Variants in RGPD1 observed in about 807,000 individuals in gnomAD.
RGPD1 encodes RANBP2-like and GRIP domain-containing protein 1.
Under a neutral mutation model 40.6 loss-of-function variants are expected in RGPD1, and 7 were observed. The observed-to-expected ratio is 0.17, with a 90% CI of 0.10 to 0.32. The LOEUF (loss-of-function observed/expected upper bound fraction) is 0.32. RGPD1 is among the 10% of genes least tolerant of loss of function. The pLI is 1.00. For synonymous variants in RGPD1, 24 were observed against 167.0 expected (o/e 0.14, Z 6.60); for missense variants, 50 against 472.5 (o/e 0.11, Z 8.29).
chr2:86,945,332 A>T (rs1680269114), intron 1 of RGPD1, among the ~76,000 whole-genome samples: 1 of 152,106 alleles, frequency 6.6e-6, no homozygotes, highest in African/African-American at 2.4e-5. Flanking sequence ...GGAACATGTG[A>T]AGCTATTCTG....
chr2:86,928,576 G>A (rs1042827528), intron 1 of RGPD1, among the ~76,000 whole-genome samples: 9 of 152,220 alleles, frequency 5.9e-5, no homozygotes, highest in African/African-American at 1.9e-4. Context: ...TTAGGTGAAA[G>A]TGGTTGGATT....
chr2:86,913,960 C>CCGGGCG (rs1677568862), intron 1 of RGPD1: 1 of 1,240,954 alleles, frequency 8.1e-7, no homozygotes, highest in African/African-American at 1.7e-5. Flanking sequence ...CTCGACCTGG[C>CCGGGCG]GGGGCGGTGG....
chr2:86,926,891 A>T (rs1431698290), intron 1 of RGPD1, among the ~76,000 whole-genome samples: 1 of 151,734 alleles, frequency 6.6e-6, no homozygotes, highest in Non-Finnish European at 1.5e-5. Context: ...AAGTTTGCAC[A>T]GCAAAGTAAT....
chr2:86,936,917 A>G lies in RGPD1; in HGVS notation c.73-14379A>G, dbSNP rs571486264. Among the ~76,000 whole-genome samples, 388 of 134,450 alleles carry G rather than the reference A, an allele frequency of 2.9e-3. 3 individuals are homozygous for G. The highest frequency in any genetic ancestry group is 0.011 in the African/African-American group (376 of 33,664). 88.2% of individuals were successfully genotyped at this position (134,450 alleles called of 152,430 possible). A position where few individuals can be genotyped will look rare whatever the true frequency, so the allele number is the denominator to read the frequency against. On this transcript the variant is annotated intron_variant, in intron 1 of 22. Coordinates refer to the RGPD1 transcript ENST00000398193. The stretch of plus-strand genomic sequence containing the variant: ...GCTTAACAAAGAGGTCTGAGACAGG[A>G]TATGAATGTTAAGCTCAGGGACATA...
intron 1 of RGPD1, among the ~76,000 whole-genome samples, chr2:86,934,117 CTG>C (rs1679178015): frequency 8.2e-6 from 1 of 122,638 alleles, no homozygotes; most frequent in Non-Finnish European, 1.7e-5. Flanking sequence ...AATCTCAGCA[CTG>C]TGGAAGGTCG....
At chr2:86,962,507 CAAAAAAAAAAAAA>C (rs61486857) in intron 6 of RGPD1, among the ~76,000 whole-genome samples, 10 of 29,900 alleles carry the variant, frequency 3.3e-4, no homozygotes, top group Middle Eastern at 0.033. Context: ...GACTCTGTCT[CAAAAAAAAAAAAA>C]AAAAAAAAAA....
chr2:86,915,611 T>G (rs1677762594), intron 1 of RGPD1, among the ~76,000 whole-genome samples: 1 of 37,018 alleles, frequency 2.7e-5, no homozygotes, highest in Non-Finnish European at 5.3e-5. Flanking sequence ...TCATGCAGCA[T>G]TGGGTTTACA....
chr2:86,930,102 A>T (rs1446213124), intron 1 of RGPD1: 2 of 1,555,968 alleles, frequency 1.3e-6, no homozygotes, highest in African/African-American at 2.8e-5. Context: ...AGAGCTTAAT[A>T]CCGGAGTCGC....
rs1445554546 is a variant in RGPD1 at position 86,920,259 on chromosome 2, G to A, written c.72+6338G>A. On this transcript the variant is annotated intron_variant, in intron 1 of 22. Coordinates refer to the RGPD1 transcript ENST00000398193. Reference sequence around the variant, plus strand: ...TAATTTCTGTATTTTTAGTAGAGACGGGGTTTTGCCATGTGGGCTATGCTG... The same window carrying A: ...TAATTTCTGTATTTTTAGTAGAGACAGGGTTTTGCCATGTGGGCTATGCTG... Among the ~76,000 whole-genome samples the A allele has an allele frequency of 1.1e-4, 16 of 151,586 alleles. 1 individual carries two copies. Among genetic ancestry groups the A allele is most frequent in the South Asian group, 8.5e-4 (4 of 4,730 alleles).
intron 1 of RGPD1, among the ~76,000 whole-genome samples, chr2:86,944,028 CCAAA>C (rs1427941130): frequency 1.3e-5 from 2 of 149,890 alleles, no homozygotes; most frequent in Admixed American, 6.6e-5. Flanking sequence ...CAAAAAAAAA[CCAAA>C]AAACGGAAAC....
intron 1 of RGPD1, among the ~76,000 whole-genome samples, chr2:86,914,874 C>G (rs1332803086): frequency 3.4e-5 from 1 of 29,474 alleles, no homozygotes; most frequent in African/African-American, 1.6e-4. Flanking sequence ...GCGGCGGCGG[C>G]GGCGGCGGCG....
chr2:86,918,235 C>G (rs1281180854), intron 1 of RGPD1, among the ~76,000 whole-genome samples: 6 of 149,964 alleles, frequency 4.0e-5, no homozygotes, highest in African/African-American at 1.5e-4. Flanking sequence ...CTCTCACCCT[C>G]TTCCCCCAGT....
chr2:86,915,308 G>A (rs1677740912), intron 1 of RGPD1, among the ~76,000 whole-genome samples: 1 of 150,882 alleles, frequency 6.6e-6, no homozygotes, highest in South Asian at 2.1e-4. Flanking sequence ...GGTTAGGCAA[G>A]ACATTGGCAG....
chr2:87,009,279 T>G (rs1573657210), intron 22 of RGPD1, among the ~76,000 whole-genome samples: 2 of 13,442 alleles, frequency 1.5e-4, no homozygotes, highest in Non-Finnish European at 1.5e-4. Context: ...CACTCCAGCC[T>G]GGGCAACAGA....
intron 1 of RGPD1, chr2:86,930,762 C>T (rs1678891725): frequency 7.4e-7 from 1 of 1,354,154 alleles, no homozygotes; most frequent in South Asian, 1.3e-5. Context: ...CATACCTCCA[C>T]CTACAGCCCC....
chr2:86,932,594 TAAGG>T (rs1679060355), intron 1 of RGPD1, among the ~76,000 whole-genome samples: 1 of 2,276 alleles, frequency 4.4e-4, no homozygotes, highest in East Asian at 5.1e-3. Flanking sequence ...GTTAGACCCA[TAAGG>T]GAGGCTGTGA....
intron 20 of RGPD1, among the ~76,000 whole-genome samples, chr2:86,993,063 TATC>T (rs1422307939): frequency 2.1e-5 from 3 of 143,106 alleles, no homozygotes; most frequent in East Asian, 2.1e-4. Flanking sequence ...CCTCTACTCT[TATC>T]ATTTGATATT....
intron 1 of RGPD1, among the ~76,000 whole-genome samples, chr2:86,945,233 G>A (rs1195111230): frequency 2.0e-5 from 3 of 151,864 alleles, no homozygotes; most frequent in Non-Finnish European, 4.4e-5. Context: ...CTTACACTTA[G>A]AGTCTTTTTT....
chr2:86,941,200 C>G (rs538190786), upstream of RGPD1, among the ~76,000 whole-genome samples: 4 of 151,924 alleles, frequency 2.6e-5, no homozygotes, highest in East Asian at 3.9e-4. Context: ...AAGGCTCTCA[C>G]TATTAAAAAT....
Sources: allele counts gnomAD v4.1 joint callset (sites outside exome capture counted in the v4.1 genomes callset), GRCh38; gene constraint gnomAD v4.1.1; transcripts MANE v1.5; gene names NCBI Gene and HGNC (gene_info 2026-07-23, HGNC 2026-07-21).